MAN2B2: variants seen among roughly 807,000 people sequenced by gnomAD.
MAN2B2 encodes the protein mannosidase alpha class 2B member 2, also known as epididymis-specific alpha-mannosidase.
Under a neutral mutation model 117.1 loss-of-function variants are expected in MAN2B2, and 106 were observed. The ratio of observed to expected loss-of-function variants is 0.90; its 90% CI spans 0.77 to 1.06. MAN2B2 has a LOEUF of 1.06. Among genes scored for constraint, MAN2B2 ranks in the 50% least tolerant of loss-of-function variants. MAN2B2 has a pLI of 0.00. For synonymous variants in MAN2B2, 544 were observed against 595.1 expected (o/e 0.91, Z 1.25); for missense variants, 1,326 against 1,381.4 (o/e 0.96, Z 0.64).
chr4:6,606,787 G>A (rs966369713), intron 11 of MAN2B2, among the ~76,000 whole-genome samples: 1 of 152,210 alleles, frequency 6.6e-6, no homozygotes, highest in African/African-American at 2.4e-5. Flanking sequence ...CCAGGCCCCA[G>A]GCCTCGAAGG....
intron 5 of MAN2B2, among the ~76,000 whole-genome samples, chr4:6,590,056 G>A (rs1178648154): frequency 1.3e-5 from 2 of 151,004 alleles, no homozygotes; most frequent in East Asian, 3.9e-4. Flanking sequence ...AACAGAGTGA[G>A]AACCTGTCTC....
chr4:6,604,413 CAAG>C (rs1349835977), intron 10 of MAN2B2, among the ~76,000 whole-genome samples: 1 of 123,442 alleles, frequency 8.1e-6, no homozygotes, highest in African/African-American at 3.1e-5. Context: ...TGAAAGGCCT[CAAG>C]AAGGCGGTGG....
At chr4:6,598,473 CT>C in intron 9 of MAN2B2, 119 bp downstream of exon 9, 1 of 1,129,260 alleles carries the variant, frequency 8.9e-7, no homozygotes, top group Non-Finnish European at 1.2e-6. Flanking sequence ...CCATATCGCC[CT>C]TCCCCATGGT....
chr4:6,617,599 T>C, intron 17 of MAN2B2, 107 bp downstream of exon 17: 1 of 1,548,200 alleles, frequency 6.5e-7, no homozygotes, highest in Non-Finnish European at 8.7e-7. Flanking sequence ...TCCTCCCAAA[T>C]GGACGCTGGT....
At chr4:6,592,805 T>C (rs575085381) in intron 5 of MAN2B2, among the ~76,000 whole-genome samples, 233 of 151,890 alleles carry the variant, frequency 1.5e-3, no homozygotes, top group African/African-American at 5.4e-3. Context: ...TCTGACATTT[T>C]GTTCCTCATG....
chr4:6,614,647 C>G (rs1711773154), intron 16 of MAN2B2, among the ~76,000 whole-genome samples: 1 of 152,198 alleles, frequency 6.6e-6, no homozygotes, highest in Non-Finnish European at 1.5e-5. Context: ...TAGTTAAAGT[C>G]CCCCTGACCC....
chr4:6,587,166 C>T lies in MAN2B2; in HGVS notation c.562C>T (p.Arg188Trp), dbSNP rs769944558. The change falls in exon 4 of 19, where the codon CGG (arginine) becomes TGG (tryptophan). Residue 188 changes from arginine to tryptophan, a missense_variant and splice_region_variant. By Grantham distance (101) the Arg-to-Trp change is moderately radical. Coordinates refer to ENST00000285599, the MANE Select transcript of MAN2B2 (RefSeq NM_015274.3). ...CCTGAAGGCAGCCATGCAGGAGGCC[C>T]GGGTGAGTGGTGTGCCGCGTCTGCT... Reference protein sequence around the residue: ...YDLKAAMQEARGLQFVWRGSP... With the variant: ...YDLKAAMQEAWGLQFVWRGSP... 19 of 1,612,332 alleles carry T rather than the reference C, an allele frequency of 1.2e-5. No homozygotes were observed. Among genetic ancestry groups the T allele is most frequent in the Admixed American group, 5.0e-5 (3 of 59,940 alleles).
At chr4:6,610,681 C>A (rs1727734460) in intron 13 of MAN2B2, among the ~76,000 whole-genome samples, 199 bp from the exon 14 acceptor site, 1 of 152,218 alleles carries the variant, frequency 6.6e-6, no homozygotes, top group African/African-American at 2.4e-5. Context: ...AGGGCCTGCA[C>A]CCATGTCAGC....
chr4:6,615,052 C>T (rs776159425), intron 16 of MAN2B2, among the ~76,000 whole-genome samples: 3 of 152,190 alleles, frequency 2.0e-5, no homozygotes, highest in Non-Finnish European at 4.4e-5. Flanking sequence ...CAGACTGTGC[C>T]TCAGCCATCC....
intron 16 of MAN2B2, among the ~76,000 whole-genome samples, chr4:6,616,486 G>T (rs1182282208): frequency 6.6e-6 from 1 of 152,194 alleles, no homozygotes; most frequent in Non-Finnish European, 1.5e-5. Context: ...GCATCCAGTG[G>T]GGTTAGCAGG....
chr4:6,619,887 C>T (rs1335595403), intron 17 of MAN2B2, 40 bp from the exon 18 acceptor site: 1 of 1,573,336 alleles, frequency 6.4e-7, no homozygotes, highest in Non-Finnish European at 8.7e-7. Context: ...AGCTCTGGAA[C>T]TTGGTGCAGC....
intron 13 of MAN2B2, among the ~76,000 whole-genome samples, chr4:6,610,653 C>T (rs866648521): frequency 1.3e-5 from 2 of 152,236 alleles, no homozygotes; most frequent in Admixed American, 6.5e-5. Context: ...TGAGATGATG[C>T]GTGGCCAGGG....
In MAN2B2 at chr4:6,617,400, G is replaced by A. The variant is rs991969771; in HGVS notation, c.2722G>A (p.Ala908Thr). Residue 908 changes from alanine (A) to threonine (T), a missense_variant, in exon 17 of 19, where the codon GCT (alanine) becomes ACT (threonine). By Grantham distance (58) the Ala-to-Thr change is moderately conservative. Coordinates refer to ENST00000285599, the MANE Select transcript of MAN2B2 (RefSeq NM_015274.3). ...CAAAGGCCATCGAGGGGAAGCCCAGGCTGACCTCCGCCGTGTCCTGCTGCG... is the reference window on the plus strand; with the variant it reads ...CAAAGGCCATCGAGGGGAAGCCCAGACTGACCTCCGCCGTGTCCTGCTGCG... ...LRKGHRGEAQ[A>T]DLRRVLLRLY... 4.3e-6 allele frequency: 7 copies of A among 1,614,004 alleles called. No individual in the cohort carries two copies. In the African/African-American group the frequency reaches 8.0e-5, roughly 18 times the overall value.
intron 14 of MAN2B2, 23 bp from the exon 15 acceptor site, chr4:6,611,061 CCT>C: frequency 6.2e-7 from 1 of 1,611,616 alleles, no homozygotes; most frequent in Non-Finnish European, 8.5e-7. Context: ...GCAAGCCGGG[CCT>C]CTCGGACAAT....
At chr4:6,602,411 G>C (rs997425772) in intron 10 of MAN2B2, among the ~76,000 whole-genome samples, 1 of 152,176 alleles carries the variant, frequency 6.6e-6, no homozygotes, top group Non-Finnish European at 1.5e-5. Context: ...CATGGCACAA[G>C]AGGCCAAGGG....
In MAN2B2 at chr4:6,594,651, G is replaced by A; in HGVS notation, c.976G>A (p.Gly326Ser). 6.2e-7 allele frequency: 1 copy of A among 1,613,584 alleles called. No homozygotes were observed. Among genetic ancestry groups the A allele is most frequent in the South Asian group, 1.1e-5 (1 of 91,074 alleles). Reference sequence around the variant, plus strand: ...TGTCTCGGTGCAGTATGCCACGCTGGGCGACTACTTCCGTGCCCTGCACGC... The same window carrying A: ...TGTCTCGGTGCAGTATGCCACGCTGAGCGACTACTTCCGTGCCCTGCACGC... ...LGVSVQYATL[G>S]DYFRALHALN... Residue 326 changes from glycine to serine, a missense_variant, in exon 7 of 19, where the codon GGC becomes AGC. Transcript: ENST00000285599.
intron 3 of MAN2B2, among the ~76,000 whole-genome samples, chr4:6,586,611 A>C (rs1238680907): frequency 6.6e-6 from 1 of 151,978 alleles, no homozygotes; most frequent in Non-Finnish European, 1.5e-5. Context: ...AAATTCATGC[A>C]GTCAGGGAGT....
At chr4:6,608,231 G>A (rs1471808554) in intron 11 of MAN2B2, among the ~76,000 whole-genome samples, 8 of 152,028 alleles carry the variant, frequency 5.3e-5, no homozygotes, top group Non-Finnish European at 7.4e-5. Context: ...AGGATCGTGC[G>A]GGGAAGGGGT....
intron 15 of MAN2B2, among the ~76,000 whole-genome samples, chr4:6,613,414 A>T (rs560033062): frequency 6.6e-6 from 1 of 152,030 alleles, no homozygotes; most frequent in East Asian, 1.9e-4. Context: ...CCCTGTCTCT[A>T]CAAAAAAATT....
Sources: allele counts gnomAD v4.1 joint callset (sites outside exome capture counted in the v4.1 genomes callset), GRCh38; gene constraint gnomAD v4.1.1; transcripts MANE v1.5; gene names NCBI Gene and HGNC (gene_info 2026-07-23, HGNC 2026-07-21).